CHODL: variants seen among roughly 807,000 people sequenced by gnomAD.
CHODL encodes chondrolectin.
Under a neutral mutation model 34.5 loss-of-function variants are expected in CHODL, and 29 were observed. That is an observed-to-expected ratio of 0.84 (90% CI 0.63 to 1.15). The LOEUF is 1.15. Among genes scored for constraint, CHODL ranks in the 50% most tolerant of loss-of-function variants. The pLI, the probability that CHODL is intolerant of heterozygous loss-of-function variation, is 0.00. For synonymous variants in CHODL, 125 were observed against 116.1 expected (o/e 1.08, Z -0.49); for missense variants, 332 against 332.5 (o/e 1.00, Z 0.01).
At chr21:18,214,852 G>C (rs940609490) in intron 2 of CHODL, among the ~76,000 whole-genome samples, 2 of 151,970 alleles carry the variant, frequency 1.3e-5, no homozygotes, top group Non-Finnish European at 2.9e-5. Context: ...CTCACACACA[G>C]CTGCATTGTT....
chr21:18,038,889 T>C (rs148444445), intron 2 of CHODL, among the ~76,000 whole-genome samples: 164 of 151,794 alleles, frequency 1.1e-3, no homozygotes, highest in African/African-American at 3.8e-3. Flanking sequence ...TCATCTTACA[T>C]GTAGAATTTT....
At chr21:18,092,421 A>G (rs2065085156) in intron 2 of CHODL, among the ~76,000 whole-genome samples, 1 of 152,228 alleles carries the variant, frequency 6.6e-6, no homozygotes, top group Admixed American at 6.5e-5. Context: ...ATACCCAGAC[A>G]ATGAAGAATA....
At chr21:18,248,710 A>T (rs13046323) in intron 1 of CHODL, among the ~76,000 whole-genome samples, 524 of 91,776 alleles carry the variant, frequency 5.7e-3, no homozygotes, top group African/African-American at 0.018. Context: ...TATGTATATA[A>T]TATATACATA....
intron 2 of CHODL, among the ~76,000 whole-genome samples, chr21:18,106,310 G>A (rs1197312788): frequency 1.3e-5 from 2 of 152,074 alleles, no homozygotes; most frequent in Non-Finnish European, 2.9e-5. Flanking sequence ...TACCCTTGAG[G>A]ATGGAACCTG....
intron 1 of CHODL, among the ~76,000 whole-genome samples, chr21:17,973,342 G>T (rs570449360): frequency 2.6e-5 from 4 of 151,838 alleles, no homozygotes; most frequent in African/African-American, 9.7e-5. Context: ...ACTATCATCA[G>T]AGTGAACAGG....
intron 2 of CHODL, chr21:18,115,052 G>T (rs1282052475): frequency 1.3e-5 from 2 of 152,140 alleles, no homozygotes; most frequent in African/African-American, 4.8e-5. Flanking sequence ...TAGGTTTCAG[G>T]GTTGTATGTT....
At chr21:18,122,868 C>T (rs868126429) in intron 2 of CHODL, among the ~76,000 whole-genome samples, 1 of 152,046 alleles carries the variant, frequency 6.6e-6, no homozygotes, top group Non-Finnish European at 1.5e-5. Context: ...TTATGTTTAT[C>T]GTTTGATGTA....
intron 1 of CHODL, among the ~76,000 whole-genome samples, chr21:17,965,509 A>T (rs1600839553): frequency 6.6e-6 from 1 of 151,830 alleles, no homozygotes; most frequent in East Asian, 1.9e-4. Context: ...TTGATGGAGT[A>T]TTCAACTTTG....
intron 2 of CHODL, among the ~76,000 whole-genome samples, chr21:18,174,161 A>ATATATATCTTGGTATATATATATAT (rs2073276201): frequency 1.2e-5 from 1 of 85,670 alleles, no homozygotes; most frequent in Non-Finnish European, 3.1e-5. Context: ...ATATATATAT[A>ATATATATCTTGGTATATATATATAT]AAATCAAGTC....
intron 2 of CHODL, among the ~76,000 whole-genome samples, chr21:18,043,571 A>AT (rs2064403241): frequency 6.6e-6 from 1 of 151,868 alleles, no homozygotes; most frequent in Admixed American, 6.6e-5. Context: ...CATTCTTTCC[A>AT]TTCTCACTAG....
intron 2 of CHODL, among the ~76,000 whole-genome samples, chr21:18,197,546 G>A (rs1382535364): frequency 1.3e-5 from 2 of 152,218 alleles, no homozygotes; most frequent in Non-Finnish European, 2.9e-5. Context: ...AACCCGGGAT[G>A]CGGAGGTTGC....
chr21:18,260,496 A>T (rs941659840), intron 4 of CHODL, among the ~76,000 whole-genome samples: 1 of 152,168 alleles, frequency 6.6e-6, no homozygotes, highest in African/African-American at 2.4e-5. Context: ...TCAGAGTGGT[A>T]CTAAACTAAG....
Position 18,181,425 on chromosome 21 carries a change from C to T in CHODL, c.-44-75084C>T, listed in dbSNP as rs551041518. ...TTTTTGTTTTTGTTTCTGTTTGAGA[C>T]GGAGTCTCGCTCTGTCGCCTAGGCT... is the stretch of plus-strand genomic sequence containing the variant. On this transcript the variant is annotated intron_variant, in intron 2 of 6. Transcript: ENST00000400127. 1.1e-4 allele frequency among the ~76,000 whole-genome samples: 16 copies of T among 152,304 alleles called. 1 individual carries two copies. The highest frequency in any genetic ancestry group is 1.4e-4 in the African/African-American group (6 of 41,566).
At chr21:18,095,047 C>T (rs1424268306) in intron 2 of CHODL, among the ~76,000 whole-genome samples, 5 of 151,800 alleles carry the variant, frequency 3.3e-5, no homozygotes, top group Non-Finnish European at 7.4e-5. Context: ...TCACTTGAAC[C>T]TGGGAAGCAG....
chr21:18,137,641 T>G (rs1478673821), intron 2 of CHODL, among the ~76,000 whole-genome samples: 1 of 148,754 alleles, frequency 6.7e-6, no homozygotes, highest in African/African-American at 2.6e-5. Flanking sequence ...ACAACTTTCT[T>G]AAACAAAATT....
chr21:17,938,706 C>T (rs1270428971), intron 1 of CHODL, among the ~76,000 whole-genome samples: 1 of 152,042 alleles, frequency 6.6e-6, no homozygotes, highest in East Asian at 1.9e-4. Context: ...TCTCGATCTC[C>T]TGACCTCGTG....
chr21:18,228,699 A>T (rs2073953224), intron 2 of CHODL, among the ~76,000 whole-genome samples: 1 of 152,170 alleles, frequency 6.6e-6, no homozygotes, highest in South Asian at 2.1e-4. Context: ...TCTTTCATTT[A>T]GATTGATTGA....
intron 2 of CHODL, among the ~76,000 whole-genome samples, chr21:18,170,780 TTTAAA>T (rs1311544758): frequency 6.6e-6 from 1 of 152,182 alleles, no homozygotes; most frequent in South Asian, 2.1e-4. Flanking sequence ...GCAGTTGTCT[TTTAAA>T]TTAGTTAGAA....
In CHODL at chr21:18,254,701, A is replaced by G. The variant is rs529152724; in HGVS notation, c.80-1808A>G. Reference sequence around the variant, plus strand: ...TAATATCCTTGACATCAATCTATTTATATCTGTTTATCGTCTGTCTATCTA... The same window carrying G: ...TAATATCCTTGACATCAATCTATTTGTATCTGTTTATCGTCTGTCTATCTA... On this transcript the variant is annotated intron_variant, in intron 1 of 5. Transcript: ENST00000299295. Among the ~76,000 whole-genome samples the G allele has an allele frequency of 8.6e-5, 13 of 150,812 alleles. No individual in the cohort carries two copies. The East Asian group carries it at 2.5e-3, about 29-fold the overall frequency.
Sources: gnomAD v4.1 joint callset for allele counts (sites outside exome capture counted in the v4.1 genomes callset) on GRCh38, gnomAD v4.1.1 for gene constraint, MANE v1.5 for transcripts, NCBI Gene and HGNC (gene_info 2026-07-23, HGNC 2026-07-21) for gene names.